The following CNGB1 variants were observed in gnomAD, a reference collection of about 807,000 sequenced individuals.
The protein encoded by CNGB1 is cyclic nucleotide-gated channel beta-1.
CNGB1 carries 126 observed loss-of-function variants against 151.7 expected under a neutral mutation model. The ratio of observed to expected loss-of-function variants is 0.83; its 90% CI spans 0.72 to 0.96. CNGB1 has a LOEUF of 0.96. CNGB1 is among the 40% of genes least tolerant of loss of function. The probability of loss-of-function intolerance (pLI) is 0.00; values close to 1 mark genes in which losing one functional copy is unlikely to be tolerated. For synonymous variants in CNGB1, 623 were observed against 635.1 expected, an observed-to-expected ratio of 0.98 and a Z score of 0.29; for missense variants, 1,698 against 1,627.0, an observed-to-expected ratio of 1.04 and a Z score of -0.75.
Position 57,885,584 on chromosome 16 carries a change from TTC to T in CNGB1, c.3463-1129_3463-1128del, listed in dbSNP as rs1169859725. On this transcript the variant is annotated intron_variant, in intron 32 of 32. Coordinates refer to ENST00000251102, the MANE Select transcript of CNGB1 (RefSeq NM_001297.5). ...TCTCTCTCTCTCTCTCTCTCTTTCT[TTC>T]TTTCTTTCTTTCTTTCTTTCTTTCT... Among the ~76,000 whole-genome samples the T allele has an allele frequency of 1.9e-4, 18 of 92,642 alleles. No homozygotes were observed. In the East Asian group the frequency reaches 5.6e-3, roughly 29 times the overall value. 60.8% of individuals were successfully genotyped at this position (92,642 alleles called of 152,430 possible).
intron 30 of CNGB1, 64 bp downstream of exon 30, chr16:57,897,732 C>G: frequency 6.4e-7 from 1 of 1,570,690 alleles, no homozygotes; most frequent in Non-Finnish European, 8.8e-7. Flanking sequence ...TCGCACTGCC[C>G]GCTGGCCGCC....
chr16:57,916,322 T>A, intron 21 of CNGB1, 143 bp from the exon 22 acceptor site: 1 of 823,066 alleles, frequency 1.2e-6, no homozygotes, highest in Non-Finnish European at 2.1e-6. Flanking sequence ...GTGAAAGCCT[T>A]GAGTTTTATG....
At chr16:57,926,386 G>T (rs1261915243) in intron 17 of CNGB1, among the ~76,000 whole-genome samples, 1 of 152,116 alleles carries the variant, frequency 6.6e-6, no homozygotes, top group Non-Finnish European at 1.5e-5. Context: ...GTCTGCCAGG[G>T]TTCTAGGCCA....
chr16:57,955,115 A>G, intron 12 of CNGB1: 1 of 1,422,310 alleles, frequency 7.0e-7, no homozygotes, highest in Non-Finnish European at 9.2e-7. Flanking sequence ...CAGGCTGCCC[A>G]TGGCTGGCCT....
chr16:57,939,515 AGCCACCTCCTCG>A lies in CNGB1; in HGVS notation c.1275_1286del (p.Val428_Glu431del). On this transcript the variant is annotated inframe_deletion, in exon 16 of 33. Transcript: ENST00000251102. ...GGGGCTCCTTTTCAGCCTCCTCTTCAGCCACCTCCTCGGCCTCCTCCTTGGCCTTCTCTTCAG... is the reference window on the plus strand; with the variant it reads ...GGGGCTCCTTTTCAGCCTCCTCTTCAGCCTCCTCCTTGGCCTTCTCTTCAG... 6.2e-7 allele frequency: 1 copy of A among 1,613,878 alleles called. No individual in the cohort carries two copies. The highest frequency in any genetic ancestry group is 1.1e-5 in the South Asian group (1 of 91,056).
chr16:57,927,341 T>G (rs951820770), intron 17 of CNGB1, among the ~76,000 whole-genome samples: 8 of 152,198 alleles, frequency 5.3e-5, no homozygotes, highest in Admixed American at 5.2e-4. Flanking sequence ...CAATGTTCAT[T>G]CTGTCCCTGC....
At chr16:57,965,057 T>A (rs1381166338) in intron 2 of CNGB1, among the ~76,000 whole-genome samples, 1 of 152,262 alleles carries the variant, frequency 6.6e-6, no homozygotes, top group Admixed American at 6.5e-5. Context: ...TGCTACTACG[T>A]GCACTTATGT....
In CNGB1 at chr16:57,912,980, G is replaced by C. The variant is rs773402431; in HGVS notation, c.2319C>G (p.Phe773Leu). 1 of 1,613,938 alleles carries C rather than the reference G, an allele frequency of 6.2e-7. No individual in the cohort carries two copies. Among genetic ancestry groups the C allele is most frequent in the Non-Finnish European group, 8.5e-7 (1 of 1,179,850 alleles). The change falls in exon 24 of 33, where the codon TTC (phenylalanine) becomes TTG (leucine). Residue 773 changes from phenylalanine (F) to leucine (L), a missense_variant. Phe to Leu is a conservative substitution (Grantham distance 22). Transcript: ENST00000251102. ...LPRCLKYMAFFEFNSRLESIL... is the reference protein window; with the variant it reads ...LPRCLKYMAFLEFNSRLESIL... ...TGGATTCCAGGCGGCTGTTAAACTC[G>C]AAGAAGGCCATGTACTGGAGGGAGA...
chr16:57,889,315 T>G (rs1596947451), intron 31 of CNGB1, among the ~76,000 whole-genome samples: 1 of 152,198 alleles, frequency 6.6e-6, no homozygotes, highest in Non-Finnish European at 1.5e-5. Flanking sequence ...CCTTGATGAC[T>G]TTGATGTAGG....
intron 12 of CNGB1, chr16:57,955,380 G>C: frequency 6.4e-7 from 1 of 1,550,954 alleles, no homozygotes; most frequent in Non-Finnish European, 8.7e-7. Context: ...TGAAACAAAG[G>C]AGAAGACAGG....
chr16:57,896,759 A>G (rs1406209590), intron 31 of CNGB1, among the ~76,000 whole-genome samples: 1 of 150,230 alleles, frequency 6.7e-6, no homozygotes, highest in Non-Finnish European at 1.5e-5. Flanking sequence ...TAAATAAATA[A>G]ATAAAATAAC....
At chr16:57,957,744 A>G (rs906687186) in intron 11 of CNGB1, among the ~76,000 whole-genome samples, 1 of 152,164 alleles carries the variant, frequency 6.6e-6, no homozygotes, top group African/African-American at 2.4e-5. Flanking sequence ...CTTTACCTCC[A>G]TTCTCACAGC....
chr16:57,954,768 A>C (rs1887223787), intron 12 of CNGB1: 3 of 986,930 alleles, frequency 3.0e-6, no homozygotes, highest in African/African-American at 1.7e-5. Flanking sequence ...GAGTGTGGCC[A>C]GGCCTAGGGA....
intron 12 of CNGB1, among the ~76,000 whole-genome samples, chr16:57,956,841 C>G (rs140867753): frequency 2.6e-5 from 4 of 152,208 alleles, no homozygotes; most frequent in Non-Finnish European, 5.9e-5. Flanking sequence ...GTCCCCGATT[C>G]CTGGCTCAGG....
rs376369441 is a variant in CNGB1, at chr16:57,923,333, A to G, written c.1583T>C (p.Leu528Ser). The G allele has an allele frequency of 5.0e-6, 8 of 1,613,292 alleles. No homozygotes were observed. The African/African-American group carries it at 9.3e-5, about 19-fold the overall frequency. ...AACCACTGGGGACTCTGCTGGTGAC[A>G]ACGCCTTGAGCTCTTCAGCCTCATC... is the stretch of plus-strand genomic sequence containing the variant. ...EDDEAEELKA[L>S]SPAESPVVAW... The change falls in exon 18 of 33, where the codon TTG (leucine) becomes TCG (serine). Residue 528 changes from leucine (L) to serine (S), a missense_variant. Coordinates refer to ENST00000251102, the MANE Select transcript of CNGB1 (RefSeq NM_001297.5).
At chr16:57,948,862 G>A (rs1240042479) in intron 14 of CNGB1, among the ~76,000 whole-genome samples, 2 of 152,168 alleles carry the variant, frequency 1.3e-5, no homozygotes, top group Non-Finnish European at 2.9e-5. Flanking sequence ...GGATGTGGGT[G>A]GACGATCGAC....
chr16:57,955,747 C>T (rs757523296), intron 12 of CNGB1, among the ~76,000 whole-genome samples: 8 of 151,316 alleles, frequency 5.3e-5, no homozygotes, highest in Non-Finnish European at 1.0e-4. Context: ...TGTGTAGAGA[C>T]GGAGGCGGGC....
In CNGB1 at chr16:57,903,925, C is replaced by A. The variant is rs763675454; in HGVS notation, c.2691G>T (p.Met897Ile). The change falls in exon 27 of 33, where the codon ATG becomes ATT. Residue 897 changes from methionine to isoleucine, a missense_variant. Transcript: ENST00000251102. ...AATTCATGTACTTCACCGTGCTGTC[C>A]ATGCAGCTGCGGTAGTAGGTCTGTC... ...TAGQTYYRSC[M>I]DSTVKYMNFY... The A allele has an allele frequency of 3.7e-6, 6 of 1,614,100 alleles. No homozygotes were observed. Among genetic ancestry groups the A allele is most frequent in the Non-Finnish European group, 5.1e-6 (6 of 1,179,982 alleles).
At chr16:57,895,085 C>T (rs1960186602) in intron 31 of CNGB1, among the ~76,000 whole-genome samples, 1 of 152,146 alleles carries the variant, frequency 6.6e-6, no homozygotes, top group African/African-American at 2.4e-5. Flanking sequence ...AAATGAACTT[C>T]CCTGTATTGC....
Sources: allele counts gnomAD v4.1 joint callset (sites outside exome capture counted in the v4.1 genomes callset), GRCh38; gene constraint gnomAD v4.1.1; transcripts MANE v1.5; gene names NCBI Gene and HGNC (gene_info 2026-07-23, HGNC 2026-07-21).